SLC14A2: variants seen among roughly 807,000 people sequenced by gnomAD.
SLC14A2 encodes solute carrier family 14 member 2, also known as urea transporter 2.
Under a neutral mutation model 104.6 loss-of-function variants are expected in SLC14A2, and 91 were observed. That is an observed-to-expected ratio of 0.87 (90% CI 0.73 to 1.04). SLC14A2 has a LOEUF of 1.04. Among genes scored for constraint, SLC14A2 ranks in the 50% least tolerant of loss-of-function variants. SLC14A2 has a pLI of 0.00. For synonymous variants in SLC14A2, 476 were observed against 466.4 expected (o/e 1.02, Z -0.27); for missense variants, 1,189 against 1,156.0 (o/e 1.03, Z -0.41).
At chr18:45,537,352 G>A (rs1321691282) in intron 2 of SLC14A2, among the ~76,000 whole-genome samples, 1 of 152,082 alleles carries the variant, frequency 6.6e-6, no homozygotes, top group Non-Finnish European at 1.5e-5. Flanking sequence ...GGAGTTCTGG[G>A]GGTTGAGCTA....
At chr18:45,280,864 G>A (rs1269763334) in intron 1 of SLC14A2, among the ~76,000 whole-genome samples, 1 of 152,110 alleles carries the variant, frequency 6.6e-6, no homozygotes, top group Admixed American at 6.6e-5. Context: ...ACCTAACCCT[G>A]CCACCAGCAT....
chr18:45,209,787 A>G (rs2083947224), upstream of SLC14A2, among the ~76,000 whole-genome samples: 1 of 152,222 alleles, frequency 6.6e-6, no homozygotes, highest in Non-Finnish European at 1.5e-5. Context: ...CAGCAAGTAT[A>G]GCTGATGGAC....
At chr18:45,449,290 G>A (rs549106503) in intron 1 of SLC14A2, among the ~76,000 whole-genome samples, 5 of 152,124 alleles carry the variant, frequency 3.3e-5, no homozygotes, top group Non-Finnish European at 5.9e-5. Context: ...GTTAGTGGAG[G>A]GTGAGGGGCA....
chr18:45,675,807 T>C lies in SLC14A2; in HGVS notation c.2512+1990T>C, dbSNP rs377670444. 1.5e-4 allele frequency among the ~76,000 whole-genome samples: 22 copies of C among 148,082 alleles called. No homozygotes were observed. The East Asian group carries it at 1.6e-3, about 11-fold the overall frequency. On this transcript the variant is annotated intron_variant, in intron 18 of 19. Transcript: ENST00000255226. ...CTGCCCACTCAGCCTCACAAACAAA[T>C]GTTTGTACAGGTTCAATGAAAAGAA...
At chr18:45,385,719 A>G (rs2085888318) in intron 1 of SLC14A2, among the ~76,000 whole-genome samples, 1 of 152,204 alleles carries the variant, frequency 6.6e-6, no homozygotes. Flanking sequence ...TTATTGTATT[A>G]TTTAAATTGG....
At position 45,240,248 on chromosome 18, in the gene SLC14A2, C is replaced by T. The variant is rs955740639; in HGVS notation, c.-125+27057C>T. Among the ~76,000 whole-genome samples, 9 of 151,868 alleles carry T rather than the reference C, an allele frequency of 5.9e-5. No homozygotes were observed. In the East Asian group the frequency reaches 1.8e-3, roughly 30 times the overall value. On this transcript the variant is annotated intron_variant, in intron 1 of 20. Transcript: ENST00000586448. ...AGTGGCTGGGACTACAGGCATGTGCCACCACACCCGGCTAATTTTTTCTAT... is the reference window on the plus strand; with the variant it reads ...AGTGGCTGGGACTACAGGCATGTGCTACCACACCCGGCTAATTTTTTCTAT...
At chr18:45,336,365 GGA>G (rs1173250810) in intron 1 of SLC14A2, among the ~76,000 whole-genome samples, 1 of 152,010 alleles carries the variant, frequency 6.6e-6, no homozygotes, top group African/African-American at 2.4e-5. Flanking sequence ...GAAGCAGCAG[GGA>G]ACCCTAATTA....
intron 1 of SLC14A2, among the ~76,000 whole-genome samples, chr18:45,324,968 G>A (rs1161057490): frequency 6.6e-6 from 1 of 152,168 alleles, no homozygotes; most frequent in East Asian, 1.9e-4. Context: ...CCTCCCTGAT[G>A]CATTACCAGA....
At chr18:45,573,288 T>C (rs2044375199) in intron 2 of SLC14A2, among the ~76,000 whole-genome samples, 1 of 152,204 alleles carries the variant, frequency 6.6e-6, no homozygotes, top group African/African-American at 2.4e-5. Flanking sequence ...TCCATACTTT[T>C]GAGAAATACT....
intron 2 of SLC14A2, among the ~76,000 whole-genome samples, chr18:45,607,030 A>T (rs1440652440): frequency 1.3e-5 from 2 of 152,210 alleles, no homozygotes; most frequent in South Asian, 2.1e-4. Flanking sequence ...AAATAATTAA[A>T]TGATGGAACA....
At chr18:45,339,619 G>A (rs572185752) in intron 1 of SLC14A2, among the ~76,000 whole-genome samples, 15 of 152,038 alleles carry the variant, frequency 9.9e-5, no homozygotes, top group African/African-American at 2.4e-4. Flanking sequence ...GAAGTAAATC[G>A]CAAACAATAT....
intron 1 of SLC14A2, among the ~76,000 whole-genome samples, chr18:45,377,052 A>G (rs1324757255): frequency 1.3e-5 from 2 of 152,110 alleles, no homozygotes; most frequent in Admixed American, 6.6e-5. Flanking sequence ...TGAACAACCC[A>G]TTGCCATCTG....
intron 1 of SLC14A2, among the ~76,000 whole-genome samples, chr18:45,475,813 T>G (rs1259781694): frequency 6.6e-6 from 1 of 151,636 alleles, no homozygotes; most frequent in Non-Finnish European, 1.5e-5. Context: ...GCCTGCTTTT[T>G]TTGCTTTCCA....
intron 1 of SLC14A2, among the ~76,000 whole-genome samples, chr18:45,402,376 A>G (rs2086105723): frequency 6.6e-6 from 1 of 152,246 alleles, no homozygotes; most frequent in Admixed American, 6.5e-5. Flanking sequence ...ATAAAAGAAC[A>G]CAAAAGACGC....
At chr18:45,192,680 G>A in the SLC14A2 span, among the ~76,000 whole-genome samples, 1 of 91,970 alleles carries the variant, frequency 1.1e-5, no homozygotes, top group Admixed American at 1.0e-4. Flanking sequence ...TTTTTGAGAT[G>A]GAGTCTCACT....
At chr18:45,341,388 G>A (rs922646488) in intron 1 of SLC14A2, among the ~76,000 whole-genome samples, 1 of 152,132 alleles carries the variant, frequency 6.6e-6, no homozygotes, top group African/African-American at 2.4e-5. Context: ...GCACAGAGTG[G>A]TGAAAAATTA....
intron 1 of SLC14A2, among the ~76,000 whole-genome samples, chr18:45,433,557 G>A (rs1046996376): frequency 6.6e-5 from 10 of 152,088 alleles, no homozygotes; most frequent in African/African-American, 1.9e-4. Context: ...ACACTTCTCC[G>A]CCTTGTACCT....
intron 2 of SLC14A2, among the ~76,000 whole-genome samples, chr18:45,519,540 C>A (rs1456382548): frequency 2.6e-5 from 4 of 152,234 alleles, no homozygotes; most frequent in Non-Finnish European, 4.4e-5. Flanking sequence ...TCACTCACCC[C>A]TGGGGGAATC....
intron 1 of SLC14A2, among the ~76,000 whole-genome samples, chr18:45,343,099 GAGTT>G (rs1217522248): frequency 6.6e-6 from 1 of 151,112 alleles, no homozygotes; most frequent in Non-Finnish European, 1.5e-5. Flanking sequence ...CAACCTACCT[GAGTT>G]AGTCCTATCC....
Sources: gnomAD v4.1 joint callset for allele counts (sites outside exome capture counted in the v4.1 genomes callset) on GRCh38, gnomAD v4.1.1 for gene constraint, MANE v1.5 for transcripts, NCBI Gene and HGNC (gene_info 2026-07-23, HGNC 2026-07-21) for gene names.